The following SPATA9 variants were observed in gnomAD, a reference collection of about 807,000 sequenced individuals.
SPATA9 encodes the protein spermatogenesis-associated protein 9.
Under a neutral mutation model 25.5 loss-of-function variants are expected in SPATA9, and 27 were observed. The observed-to-expected ratio is 1.06, with a 90% CI of 0.78 to 1.46. The LOEUF (loss-of-function observed/expected upper bound fraction) is 1.46, where lower values mean the gene tolerates loss of function less well. SPATA9 is among the 40% of genes most tolerant of loss of function. SPATA9 has a pLI of 0.00. For missense variants in SPATA9, 282 were observed against 297.5 expected (o/e 0.95, Z 0.38); for synonymous variants, 102 against 105.7 (o/e 0.97, Z 0.21).
intron 3 of SPATA9, among the ~76,000 whole-genome samples, chr5:95,672,553 A>G (rs550528293): frequency 2.0e-5 from 3 of 152,140 alleles, no homozygotes; most frequent in South Asian, 4.1e-4. Context: ...GTGAGATGCA[A>G]TATAGATCAC....
At chr5:95,731,611 G>T in the SPATA9 span, 54 of 1,599,688 alleles carry the variant, frequency 3.4e-5, no homozygotes, top group African/African-American at 8.1e-5. Flanking sequence ...TGAACTCGCC[G>T]CCCGGGGGCC....
chr5:95,719,080 A>G, the SPATA9 span, among the ~76,000 whole-genome samples: 3 of 152,200 alleles, frequency 2.0e-5, no homozygotes, highest in Non-Finnish European at 2.9e-5. Context: ...TGAGGAGTTC[A>G]TGAAGACATT....
At chr5:95,728,284 C>T in the SPATA9 span, among the ~76,000 whole-genome samples, 1 of 152,140 alleles carries the variant, frequency 6.6e-6, no homozygotes, top group Non-Finnish European at 1.5e-5. Context: ...ATATAGAAAC[C>T]TTCATGCCAG....
chr5:95,720,878 C>T, the SPATA9 span, among the ~76,000 whole-genome samples: 2 of 152,292 alleles, frequency 1.3e-5, no homozygotes, highest in South Asian at 4.1e-4. Flanking sequence ...TGTGCACTAA[C>T]TTGTTCAACA....
At chr5:95,654,540 T>C (rs1489138833), downstream of SPATA9, among the ~76,000 whole-genome samples, 1 of 152,220 alleles carries the variant, frequency 6.6e-6, no homozygotes, top group African/African-American at 2.4e-5. Context: ...TTATACTCTA[T>C]ATCTATTCTA....
chr5:95,694,179 A>C (rs917651322), intron 1 of SPATA9, among the ~76,000 whole-genome samples: 1 of 152,122 alleles, frequency 6.6e-6, no homozygotes, highest in African/African-American at 2.4e-5. Context: ...GCAAATAAAT[A>C]AGTATTACAT....
At chr5:95,718,488 G>A in the SPATA9 span, among the ~76,000 whole-genome samples, 34 of 152,164 alleles carry the variant, frequency 2.2e-4, 1 homozygote, top group Non-Finnish European at 2.9e-4. Context: ...TGATGCCTCC[G>A]TTTTCTCTGA....
At chr5:95,672,895 C>A (rs903161164) in intron 3 of SPATA9, among the ~76,000 whole-genome samples, 6 of 152,166 alleles carry the variant, frequency 3.9e-5, no homozygotes, top group African/African-American at 1.4e-4. Flanking sequence ...CCATGGATTT[C>A]TCTCATTCCT....
chr5:95,668,752 G>T (rs1580307989), intron 3 of SPATA9, among the ~76,000 whole-genome samples: 1 of 152,120 alleles, frequency 6.6e-6, no homozygotes, highest in East Asian at 1.9e-4. Flanking sequence ...TTTTTCCACA[G>T]AATTTTGACT....
downstream of SPATA9, among the ~76,000 whole-genome samples, chr5:95,655,130 T>A (rs142602512): frequency 4.5e-4 from 69 of 152,338 alleles, no homozygotes; most frequent in African/African-American, 1.6e-3. Flanking sequence ...TGTACACACC[T>A]GTCCTCATGT....
chr5:95,652,938 C>A, downstream of SPATA9: 1 of 780,526 alleles, frequency 1.3e-6, no homozygotes, highest in Non-Finnish European at 1.9e-6. Context: ...TCAATTCACA[C>A]TTTCCTGCTT....
At chr5:95,717,399 A>G in the SPATA9 span, 2 of 152,166 alleles carry the variant, frequency 1.3e-5, no homozygotes, top group African/African-American at 4.8e-5. Context: ...ATGTGTGTGT[A>G]TATGTGTGCA....
At chr5:95,690,849 A>C (rs1308325265) in intron 1 of SPATA9, among the ~76,000 whole-genome samples, 1 of 152,222 alleles carries the variant, frequency 6.6e-6, no homozygotes, top group Non-Finnish European at 1.5e-5. Flanking sequence ...CTTTTAAAAA[A>C]CACATTTTTA....
At chr5:95,665,991 C>A (rs1751772265) in intron 3 of SPATA9, among the ~76,000 whole-genome samples, 1 of 152,038 alleles carries the variant, frequency 6.6e-6, no homozygotes, top group South Asian at 2.1e-4. Context: ...ATAAAAGGTA[C>A]TTCTGAAGAA....
At chr5:95,708,875 C>T in the SPATA9 span, 17 of 479,858 alleles carry the variant, frequency 3.5e-5, no homozygotes, top group Middle Eastern at 5.6e-4. Flanking sequence ...TAGGAAGGCA[C>T]GGAGGACATA....
chr5:95,661,835 T>TAC (rs901496880), intron 4 of SPATA9, among the ~76,000 whole-genome samples: 2 of 151,932 alleles, frequency 1.3e-5, no homozygotes, highest in Non-Finnish European at 1.5e-5. Flanking sequence ...TACACACACA[T>TAC]ACACACACAC....
At chr5:95,718,093 G>A in the SPATA9 span, among the ~76,000 whole-genome samples, 5 of 152,264 alleles carry the variant, frequency 3.3e-5, no homozygotes, top group African/African-American at 9.6e-5. Context: ...AGTATGTTAT[G>A]GACCATTATA....
the SPATA9 span, chr5:95,717,637 A>T: frequency 1.3e-5 from 2 of 152,230 alleles, no homozygotes; most frequent in Non-Finnish European, 2.9e-5. Context: ...CTCTGCATTG[A>T]CTAAACCTAA....
chr5:95,722,076 G>A, the SPATA9 span, among the ~76,000 whole-genome samples: 3 of 152,154 alleles, frequency 2.0e-5, no homozygotes, highest in Admixed American at 1.3e-4. Context: ...ATGAGGTCAG[G>A]GGAAATGATC....
Sources: gnomAD v4.1 joint callset for allele counts (sites outside exome capture counted in the v4.1 genomes callset) on GRCh38, gnomAD v4.1.1 for gene constraint, MANE v1.5 for transcripts, NCBI Gene and HGNC (gene_info 2026-07-23, HGNC 2026-07-21) for gene names.